CDH18: variants seen among roughly 807,000 people sequenced by gnomAD.
The protein encoded by CDH18 is cadherin 18.
In CDH18, 31 loss-of-function variants were observed where a neutral mutation model predicts 67.9. That is an observed-to-expected ratio of 0.46 (90% CI 0.34 to 0.62). The LOEUF (loss-of-function observed/expected upper bound fraction) is 0.62, where lower values mean the gene tolerates loss of function less well. CDH18 is among the 20% of genes least tolerant of loss of function. The pLI is 0.01. For synonymous variants in CDH18, 362 were observed against 347.2 expected, an observed-to-expected ratio of 1.04 and a Z score of -0.48; for missense variants, 890 against 975.5, an observed-to-expected ratio of 0.91 and a Z score of 1.17.
At chr5:20,553,667 T>C (rs1371989495) in intron 1 of CDH18, among the ~76,000 whole-genome samples, 2 of 152,298 alleles carry the variant, frequency 1.3e-5, no homozygotes, top group South Asian at 2.1e-4. Flanking sequence ...TAACCAAAGT[T>C]GACTCTTGTA....
rs139789294 is a variant in CDH18 at position 20,033,034 on chromosome 5, T to C, written c.-517-41020A>G. On this transcript the variant is annotated intron_variant, in intron 2 of 14. Coordinates refer to the CDH18 transcript ENST00000507958. Reference sequence around the variant, plus strand: ...GGGGGAAAAGGAAACACAAAAGATATTATCTCCCAATATTTTCCTTGCATG... The same window carrying C: ...GGGGGAAAAGGAAACACAAAAGATACTATCTCCCAATATTTTCCTTGCATG... Among the ~76,000 whole-genome samples, 39 of 152,034 alleles carry C rather than the reference T, an allele frequency of 2.6e-4. 1 individual carries two copies. The East Asian group carries it at 5.6e-3, about 22-fold the overall frequency.
At chr5:19,691,065 A>G (rs2150422320) in intron 5 of CDH18, among the ~76,000 whole-genome samples, 1 of 152,012 alleles carries the variant, frequency 6.6e-6, no homozygotes, top group South Asian at 2.1e-4. Flanking sequence ...CATTAGAAAG[A>G]CAATATATCA....
At chr5:19,966,486 AT>A (rs1797451500) in intron 2 of CDH18, among the ~76,000 whole-genome samples, 1 of 152,102 alleles carries the variant, frequency 6.6e-6, no homozygotes, top group South Asian at 2.1e-4. Context: ...TAGATTGGTT[AT>A]TTTCTTCTAT....
chr5:20,397,404 T>C (rs776007733), intron 1 of CDH18, among the ~76,000 whole-genome samples: 4 of 152,144 alleles, frequency 2.6e-5, no homozygotes, highest in Non-Finnish European at 4.4e-5. Context: ...AGTGCCAGGA[T>C]TACAGGCATG....
chr5:20,358,225 A>T (rs551886846), intron 1 of CDH18, among the ~76,000 whole-genome samples: 2 of 152,300 alleles, frequency 1.3e-5, no homozygotes, highest in East Asian at 1.9e-4. Flanking sequence ...CCTGGGCAAA[A>T]GGTTCAGTCA....
At chr5:20,231,350 C>A (rs1377004537) in intron 2 of CDH18, among the ~76,000 whole-genome samples, 8 of 152,082 alleles carry the variant, frequency 5.3e-5, no homozygotes, top group Non-Finnish European at 1.0e-4. Context: ...TGGCTCGTGC[C>A]TGTAATCCCA....
intron 1 of CDH18, among the ~76,000 whole-genome samples, chr5:20,301,785 T>C (rs1735939846): frequency 5.2e-5 from 3 of 58,202 alleles, no homozygotes. Flanking sequence ...GCTCTTTCTT[T>C]TTTCTTTTTT....
intron 2 of CDH18, among the ~76,000 whole-genome samples, chr5:19,853,971 CGTGGCACAAATGTGATAAGCAAA>C (rs1440663775): frequency 1.3e-5 from 2 of 152,056 alleles, no homozygotes; most frequent in Non-Finnish European, 2.9e-5. Context: ...AAAATGTCTA[CGTGGCACAAATGTGATAAGCAAA>C]GTAGGCAAAG....
At chr5:19,798,305 A>G (rs547423298) in intron 3 of CDH18, among the ~76,000 whole-genome samples, 1 of 152,156 alleles carries the variant, frequency 6.6e-6, no homozygotes, top group South Asian at 2.1e-4. Flanking sequence ...AATATTGCCA[A>G]TGAGGGGTAT....
chr5:19,982,780 C>T (rs1369290970), intron 1 of CDH18, among the ~76,000 whole-genome samples: 2 of 152,128 alleles, frequency 1.3e-5, no homozygotes, highest in African/African-American at 4.8e-5. Flanking sequence ...CACCATGGCT[C>T]ACACCTGTAA....
chr5:19,929,824 A>C (rs1411226120), intron 2 of CDH18, among the ~76,000 whole-genome samples: 1 of 152,232 alleles, frequency 6.6e-6, no homozygotes, highest in Non-Finnish European at 1.5e-5. Flanking sequence ...TTATTTATAT[A>C]TGTTGAACTT....
Position 19,982,001 on chromosome 5 carries a change from A to G in CDH18, c.-375-823T>C, listed in dbSNP as rs571552142. 7.2e-5 allele frequency among the ~76,000 whole-genome samples: 11 copies of G among 152,332 alleles called. No individual in the cohort carries two copies. In the East Asian group the frequency reaches 2.1e-3, roughly 29 times the overall value. On this transcript the variant is annotated intron_variant, in intron 1 of 12. Transcript: ENST00000382275. ...CCAGCTTTCTTCCCAAACAGATGGCAACCTCCATGAATGAATGAATACAAA... is the reference window on the plus strand; with the variant it reads ...CCAGCTTTCTTCCCAAACAGATGGCGACCTCCATGAATGAATGAATACAAA...
intron 1 of CDH18, among the ~76,000 whole-genome samples, chr5:20,407,252 C>A: frequency 6.6e-6 from 1 of 152,124 alleles, no homozygotes; most frequent in East Asian, 1.9e-4. Context: ...GTTTCAACTT[C>A]TCAGAATGAT....
intron 4 of CDH18, among the ~76,000 whole-genome samples, chr5:19,729,929 G>C (rs1189699151): frequency 3.3e-5 from 5 of 152,100 alleles, no homozygotes; most frequent in Admixed American, 3.3e-4. Context: ...ATAAGGGGAA[G>C]TTATAGATGG....
chr5:19,535,330 C>G (rs1283000304), intron 9 of CDH18, among the ~76,000 whole-genome samples: 2 of 152,102 alleles, frequency 1.3e-5, no homozygotes, highest in Non-Finnish European at 2.9e-5. Flanking sequence ...AGTAAAAGTG[C>G]TAATTAGGAT....
chr5:20,115,933 A>G (rs372437603), intron 2 of CDH18, among the ~76,000 whole-genome samples: 1 of 152,086 alleles, frequency 6.6e-6, no homozygotes, highest in Admixed American at 6.6e-5. Context: ...AAATTCTTCA[A>G]TTCTCCCCAT....
At chr5:19,774,681 G>A (rs1774114285) in intron 3 of CDH18, among the ~76,000 whole-genome samples, 1 of 150,428 alleles carries the variant, frequency 6.6e-6, no homozygotes, top group African/African-American at 2.4e-5. Flanking sequence ...AATTAGCCGT[G>A]TGGGGTGGTA....
intron 2 of CDH18, among the ~76,000 whole-genome samples, chr5:20,171,225 T>G (rs1354953641): frequency 6.6e-6 from 1 of 152,106 alleles, no homozygotes; most frequent in South Asian, 2.1e-4. Flanking sequence ...TTCCTTTGGG[T>G]ACATACTCAA....
Position 20,503,323 on chromosome 5 carries a change from T to G in CDH18, c.-580+72139A>C, listed in dbSNP as rs1011914221. Among the ~76,000 whole-genome samples, 4 of 152,048 alleles carry G rather than the reference T, an allele frequency of 2.6e-5. No individual in the cohort carries two copies. In the East Asian group the frequency reaches 5.8e-4, roughly 22 times the overall value. Reference sequence around the variant, plus strand: ...TATAAGCGAAAACTAAACCCACTAATTGAGGCTCTTATATAATTATGACAT... The same window carrying G: ...TATAAGCGAAAACTAAACCCACTAAGTGAGGCTCTTATATAATTATGACAT... On this transcript the variant is annotated intron_variant, in intron 1 of 14. Coordinates refer to the CDH18 transcript ENST00000507958.
Sources: gnomAD v4.1 joint callset for allele counts (sites outside exome capture counted in the v4.1 genomes callset) on GRCh38, gnomAD v4.1.1 for gene constraint, MANE v1.5 for transcripts, NCBI Gene and HGNC (gene_info 2026-07-23, HGNC 2026-07-21) for gene names.